Variants in TAX1BP1 observed in about 807,000 individuals in gnomAD.
The protein encoded by TAX1BP1 is Tax1 binding protein 1.
TAX1BP1 carries 62 observed loss-of-function variants against 97.7 expected under a neutral mutation model. The observed-to-expected ratio is 0.63, with a 90% CI of 0.52 to 0.78. TAX1BP1 has a LOEUF of 0.78. Among genes scored for constraint, TAX1BP1 ranks in the 30% least tolerant of loss-of-function variants. TAX1BP1 has a pLI of 0.00. For synonymous variants in TAX1BP1, 340 were observed against 304.2 expected, an observed-to-expected ratio of 1.12 and a Z score of -1.23; for missense variants, 867 against 916.1, an observed-to-expected ratio of 0.95 and a Z score of 0.69.
chr7:27,817,963 T>A (rs1013442784), intron 15 of TAX1BP1, among the ~76,000 whole-genome samples: 24 of 152,200 alleles, frequency 1.6e-4, no homozygotes, highest in Non-Finnish European at 2.8e-4. Context: ...AAAAATGTAT[T>A]TCTCCCTCCT....
chr7:27,754,266 A>AT (rs1471265311), intron 2 of TAX1BP1, among the ~76,000 whole-genome samples: 1 of 150,870 alleles, frequency 6.6e-6, no homozygotes, highest in Admixed American at 6.6e-5. Flanking sequence ...TCCTTTTCAA[A>AT]TTTTTTTCCT....
At chr7:27,767,432 T>G (rs1458502812) in intron 4 of TAX1BP1, among the ~76,000 whole-genome samples, 1 of 152,124 alleles carries the variant, frequency 6.6e-6, no homozygotes. Context: ...CAAACTAGGT[T>G]AGGAGGAACT....
chr7:27,775,280 G>A (rs932424483), intron 5 of TAX1BP1, among the ~76,000 whole-genome samples: 2 of 152,044 alleles, frequency 1.3e-5, no homozygotes, highest in African/African-American at 4.8e-5. Flanking sequence ...ATGTCTTTGT[G>A]GATATTAGTC....
At chr7:27,815,656 GTTTC>G (rs1790738233) in intron 13 of TAX1BP1, among the ~76,000 whole-genome samples, 1 of 152,112 alleles carries the variant, frequency 6.6e-6, no homozygotes, top group Admixed American at 6.5e-5. Context: ...GTTAGGAAAT[GTTTC>G]TTTGTGTTTT....
At chr7:27,745,160 C>A (rs1787771799) in intron 1 of TAX1BP1, among the ~76,000 whole-genome samples, 1 of 152,208 alleles carries the variant, frequency 6.6e-6, no homozygotes, top group South Asian at 2.1e-4. Context: ...GGTAAAGCTG[C>A]TTGCTTCTAC....
chr7:27,790,290 T>A (rs1789656230), intron 8 of TAX1BP1, among the ~76,000 whole-genome samples: 1 of 151,888 alleles, frequency 6.6e-6, no homozygotes, highest in Non-Finnish European at 1.5e-5. Flanking sequence ...TAGTATATGT[T>A]TTTTGATTGT....
chr7:27,742,556 TCTC>T (rs1397999426), intron 1 of TAX1BP1, among the ~76,000 whole-genome samples: 1 of 152,028 alleles, frequency 6.6e-6, no homozygotes, highest in South Asian at 2.1e-4. Context: ...CAAAATGGAG[TCTC>T]CTATGTCTAC....
intron 8 of TAX1BP1, among the ~76,000 whole-genome samples, chr7:27,788,119 T>C (rs1199956817): frequency 6.6e-6 from 1 of 152,100 alleles, no homozygotes; most frequent in African/African-American, 2.4e-5. Context: ...GACATTGATA[T>C]TTTTGGAGAA....
At chr7:27,755,695 A>T (rs576379664) in intron 2 of TAX1BP1, among the ~76,000 whole-genome samples, 2 of 152,342 alleles carry the variant, frequency 1.3e-5, no homozygotes, top group South Asian at 4.1e-4. Flanking sequence ...AACAAGAATG[A>T]TGCCCACTGC....
intron 2 of TAX1BP1, among the ~76,000 whole-genome samples, chr7:27,754,829 C>A (rs1439823537): frequency 6.6e-6 from 1 of 152,098 alleles, no homozygotes; most frequent in Non-Finnish European, 1.5e-5. Context: ...GTGATCCCCC[C>A]ACCTCAGTCT....
intron 15 of TAX1BP1, among the ~76,000 whole-genome samples, chr7:27,821,116 T>C (rs1048785606): frequency 6.6e-6 from 1 of 152,192 alleles, no homozygotes; most frequent in Admixed American, 6.5e-5. Context: ...ATTAAATGAA[T>C]CTTTGCTGTT....
chr7:27,820,416 T>C (rs1790931845), intron 15 of TAX1BP1, among the ~76,000 whole-genome samples: 2 of 152,190 alleles, frequency 1.3e-5, no homozygotes. Flanking sequence ...TGAGAACCAG[T>C]GCTTGAGAGA....
At chr7:27,820,385 C>T (rs1222787475) in intron 15 of TAX1BP1, among the ~76,000 whole-genome samples, 1 of 152,118 alleles carries the variant, frequency 6.6e-6, no homozygotes, top group Non-Finnish European at 1.5e-5. Context: ...TTCTCAGAAG[C>T]GTCTGTTACT....
At chr7:27,810,877 C>T (rs1436606446) in intron 13 of TAX1BP1, among the ~76,000 whole-genome samples, 1 of 152,040 alleles carries the variant, frequency 6.6e-6, no homozygotes, top group African/African-American at 2.4e-5. Context: ...TACTTTATGT[C>T]AGAATGCTCT....
chr7:27,787,304 A>G lies in TAX1BP1; in HGVS notation c.853-114A>G, dbSNP rs118164901. 1,623 of 941,858 alleles carry G rather than the reference A, an allele frequency of 1.7e-3. 10 individuals are homozygous for G. Among genetic ancestry groups the G allele is most frequent in the East Asian group, 0.016 (590 of 36,170 alleles). 58.3% of individuals were successfully genotyped at this position (941,858 alleles called of 1,614,324 possible). On this transcript the variant is annotated intron_variant, in intron 7 of 16. Transcript: ENST00000396319. ...TGGGTCTCCTAAATCCTAGTCTAGT[A>G]TGTCTTTCCTTCCTTTCGTTGTCTT...
intron 12 of TAX1BP1, among the ~76,000 whole-genome samples, chr7:27,797,448 A>G (rs531701570): frequency 1.1e-3 from 160 of 152,046 alleles, no homozygotes; most frequent in African/African-American, 3.7e-3. Context: ...TGTTTGTGCA[A>G]GTGATTTTTG....
In TAX1BP1 at chr7:27,816,403, T is replaced by C; in HGVS notation, c.1819T>C (p.Ser607Pro). 6.3e-7 allele frequency: 1 copy of C among 1,586,268 alleles called. No homozygotes were observed. Residue 607 changes from serine to proline, a missense_variant, in exon 14 of 17, where the codon TCC (serine) becomes CCC (proline). Coordinates refer to ENST00000396319, the MANE Select transcript of TAX1BP1 (RefSeq NM_006024.7). ...PAERKMEGQN[S>P]QSPQCFKTCS... is the part of the protein sequence containing the mutation. ...AGAAAGGAAAATGGAAGGTCAGAAT[T>C]CCCAGAGTCCTCAATGTTTCAAAAC... is the stretch of plus-strand genomic sequence containing the variant.
At chr7:27,794,879 AT>A (rs1789863503) in intron 11 of TAX1BP1, among the ~76,000 whole-genome samples, 1 of 152,070 alleles carries the variant, frequency 6.6e-6, no homozygotes, top group Admixed American at 6.5e-5. Context: ...CTATTTATTC[AT>A]TTATTTTTGG....
At chr7:27,810,684 G>T (rs1234306404) in intron 13 of TAX1BP1, among the ~76,000 whole-genome samples, 1 of 152,024 alleles carries the variant, frequency 6.6e-6, no homozygotes, top group Non-Finnish European at 1.5e-5. Flanking sequence ...ACAGGGTCTT[G>T]CCTTGCTATG....
Sources: gnomAD v4.1 joint callset for allele counts (sites outside exome capture counted in the v4.1 genomes callset) on GRCh38, gnomAD v4.1.1 for gene constraint, MANE v1.5 for transcripts, NCBI Gene and HGNC (gene_info 2026-07-23, HGNC 2026-07-21) for gene names.